DPP10: variants seen among roughly 807,000 people sequenced by gnomAD.
DPP10 encodes dipeptidyl peptidase like 10, also known as inactive dipeptidyl peptidase 10.
In DPP10, 33 loss-of-function variants were observed where a neutral mutation model predicts 120.9. That is an observed-to-expected ratio of 0.27 (90% CI 0.21 to 0.37). The LOEUF is 0.37. Among genes scored for constraint, DPP10 ranks in the 10% least tolerant of loss-of-function variants. The probability of loss-of-function intolerance (pLI) is 1.00; values close to 1 mark genes in which losing one functional copy is unlikely to be tolerated. For missense variants in DPP10, 816 were observed against 942.8 expected (o/e 0.87, Z 1.76); for synonymous variants, 337 against 326.1 (o/e 1.03, Z -0.36).
intron 1 of DPP10, among the ~76,000 whole-genome samples, chr2:115,022,319 G>A (rs867353635): frequency 7.2e-5 from 11 of 151,986 alleles, no homozygotes; most frequent in Admixed American, 5.2e-4. Flanking sequence ...GCAAATTTCA[G>A]GATACAAAAT....
chr2:114,970,153 C>G (rs17043845), intron 1 of DPP10, among the ~76,000 whole-genome samples: 38,907 of 151,826 alleles, frequency 0.26, 5,043 homozygotes, highest in East Asian at 0.34. Flanking sequence ...TAGCCTGGAG[C>G]ATGCACAAGT....
At chr2:115,640,128 A>G (rs1158287845) in intron 5 of DPP10, among the ~76,000 whole-genome samples, 2 of 152,126 alleles carry the variant, frequency 1.3e-5, no homozygotes, top group African/African-American at 4.8e-5. Context: ...AGGCTTGCAG[A>G]ATTACTGACT....
chr2:115,216,872 C>CGTATACACAT (rs2056856585), intron 1 of DPP10, among the ~76,000 whole-genome samples: 1 of 151,912 alleles, frequency 6.6e-6, no homozygotes, highest in Non-Finnish European at 1.5e-5. Context: ...TGGACATAGA[C>CGTATACACAT]ATATACGTGT....
Position 115,842,271 on chromosome 2 carries a change from A to G in DPP10, c.2317A>G (p.Ile773Val), listed in dbSNP as rs144407365. The G allele has an allele frequency of 2.5e-6, 4 of 1,614,022 alleles. No individual in the cohort carries two copies. In the Admixed American group the frequency reaches 5.0e-5, roughly 20 times the overall value. The change falls in exon 26 of 26, where the codon ATC (isoleucine) becomes GTC (valine). Residue 773 changes from isoleucine (I) to valine (V), a missense_variant. By Grantham distance (29) the Ile-to-Val change is conservative (BLOSUM62 3). This residue lies in a region of DPP10 where 592 missense variants were observed against 649.0 expected (regional missense o/e 0.91). Coordinates refer to ENST00000410059, the MANE Select transcript of DPP10 (RefSeq NM_020868.6). ...GAGCAAGTATCATCTCTACAGCACAATCCTCAAATTCTTCAGTGATTGTTT... is the reference window on the plus strand; with the variant it reads ...GAGCAAGTATCATCTCTACAGCACAGTCCTCAAATTCTTCAGTGATTGTTT... Reference protein sequence around the residue: ...EKSKYHLYSTILKFFSDCLKE... With the variant: ...EKSKYHLYSTVLKFFSDCLKE...
At chr2:114,963,772 C>T (rs112570047) in intron 1 of DPP10, among the ~76,000 whole-genome samples, 18 of 152,138 alleles carry the variant, frequency 1.2e-4, no homozygotes, top group East Asian at 1.2e-3. Flanking sequence ...AGGGTCGTGT[C>T]GCAAGGGATT....
At chr2:115,185,830 A>G (rs1260082549) in intron 1 of DPP10, among the ~76,000 whole-genome samples, 1 of 152,216 alleles carries the variant, frequency 6.6e-6, no homozygotes, top group African/African-American at 2.4e-5. Flanking sequence ...GTATTTAGAG[A>G]TAATCACTAT....
intron 1 of DPP10, among the ~76,000 whole-genome samples, chr2:114,722,836 C>T (rs1456139118): frequency 6.7e-6 from 1 of 149,320 alleles, no homozygotes; most frequent in African/African-American, 2.5e-5. Context: ...CCTGTAAAGC[C>T]TTCTTTTTAC....
intron 1 of DPP10, among the ~76,000 whole-genome samples, chr2:115,242,663 C>G (rs376800158): frequency 6.7e-6 from 1 of 149,846 alleles, no homozygotes; most frequent in African/African-American, 2.5e-5. Flanking sequence ...CACATCCATG[C>G]CAACATCTAT....
intron 10 of DPP10, among the ~76,000 whole-genome samples, chr2:115,750,924 G>A (rs554201713): frequency 6.6e-6 from 1 of 152,046 alleles, no homozygotes; most frequent in South Asian, 2.1e-4. Flanking sequence ...GTTGTTGGTG[G>A]TATTTATTTT....
At chr2:114,733,444 T>A (rs1677113542) in intron 1 of DPP10, among the ~76,000 whole-genome samples, 3 of 152,198 alleles carry the variant, frequency 2.0e-5, no homozygotes, top group Admixed American at 2.0e-4. Flanking sequence ...TAGAACATAC[T>A]ATGAAAAGAA....
chr2:115,285,511 T>G (rs1553538736), intron 1 of DPP10, among the ~76,000 whole-genome samples: 1 of 152,082 alleles, frequency 6.6e-6, no homozygotes, highest in Non-Finnish European at 1.5e-5. Flanking sequence ...GTGACCTTTC[T>G]GCATAGAACT....
chr2:114,515,407 G>A (rs774206196), intron 1 of DPP10, among the ~76,000 whole-genome samples: 12 of 152,174 alleles, frequency 7.9e-5, no homozygotes, highest in Non-Finnish European at 1.5e-4. Flanking sequence ...GAGGACCATA[G>A]CACTTTAGAA....
intron 5 of DPP10, among the ~76,000 whole-genome samples, chr2:115,609,604 A>G (rs1028809771): frequency 3.9e-5 from 6 of 152,144 alleles, no homozygotes; most frequent in Non-Finnish European, 5.9e-5. Flanking sequence ...AAAAACAAAA[A>G]AAACAAAAAA....
At chr2:115,075,256 G>A (rs768166378) in intron 1 of DPP10, among the ~76,000 whole-genome samples, 6 of 152,218 alleles carry the variant, frequency 3.9e-5, no homozygotes, top group Non-Finnish European at 8.8e-5. Flanking sequence ...CTTAGAAGTT[G>A]TTTAGAAGTA....
chr2:115,521,747 C>A (rs539957916), intron 4 of DPP10, among the ~76,000 whole-genome samples: 1 of 152,080 alleles, frequency 6.6e-6, no homozygotes, highest in Non-Finnish European at 1.5e-5. Flanking sequence ...CTCGAGATGT[C>A]ATCAAATCTA....
chr2:114,744,622 G>T (rs892111540), intron 1 of DPP10, among the ~76,000 whole-genome samples: 1 of 152,216 alleles, frequency 6.6e-6, no homozygotes, highest in Non-Finnish European at 1.5e-5. Flanking sequence ...CTACAAAATG[G>T]TGTTACATGT....
At chr2:114,448,023 C>T (rs1305015802) in intron 1 of DPP10, among the ~76,000 whole-genome samples, 1 of 152,024 alleles carries the variant, frequency 6.6e-6, no homozygotes, top group African/African-American at 2.4e-5. Context: ...CCATTTATGG[C>T]CAAGTATTTA....
chr2:115,128,434 C>A (rs1277047155), intron 1 of DPP10, among the ~76,000 whole-genome samples: 1 of 152,116 alleles, frequency 6.6e-6, no homozygotes, highest in East Asian at 1.9e-4. Flanking sequence ...CCAACTGTAG[C>A]GAACAGCTCA....
chr2:115,484,743 A>T (rs1162714855), intron 3 of DPP10, among the ~76,000 whole-genome samples: 1 of 152,156 alleles, frequency 6.6e-6, no homozygotes, highest in Non-Finnish European at 1.5e-5. Context: ...GCATGTCTGC[A>T]TGAAGCCCTA....
Sources: gnomAD v4.1 joint callset for allele counts (sites outside exome capture counted in the v4.1 genomes callset) on GRCh38, gnomAD v4.1.1 for gene constraint, gnomAD v4.1.1 regional missense constraint, MANE v1.5 for transcripts, NCBI Gene and HGNC (gene_info 2026-07-23, HGNC 2026-07-21) for gene names.